The following PRR11 variants were observed in gnomAD, a reference collection of about 807,000 sequenced individuals.
PRR11 encodes the protein proline-rich protein 11.
PRR11 carries 30 observed loss-of-function variants against 45.6 expected under a neutral mutation model. The ratio of observed to expected loss-of-function variants is 0.66; its 90% CI spans 0.49 to 0.89. The LOEUF is 0.89. PRR11 is among the 40% of genes least tolerant of loss of function. The pLI is 0.00. For synonymous variants in PRR11, 128 were observed against 153.5 expected (o/e 0.83, Z 1.23); for missense variants, 373 against 424.8 (o/e 0.88, Z 1.07).
chr17:59,206,546 TG>T lies in PRR11; in HGVS notation c.*4916del, dbSNP rs2046919034. On this transcript the variant is annotated 3_prime_UTR_variant, in exon 10 of 10. Coordinates refer to ENST00000262293, the MANE Select transcript of PRR11 (RefSeq NM_018304.4). ...TGACAGATTTTATATTGTAACCATT[TG>T]AGAACTCTGTAAGTGCTATGGCTTC... 1.3e-5 allele frequency among the ~76,000 whole-genome samples: 2 copies of T among 151,662 alleles called. No individual in the cohort carries two copies. The highest frequency in any genetic ancestry group is 4.8e-5 in the African/African-American group (2 of 41,378).
At chr17:59,179,689 G>C in intron 2 of PRR11, 4 of 1,449,890 alleles carry the variant, frequency 2.8e-6, no homozygotes, top group Admixed American at 3.4e-5. Flanking sequence ...CAGGGAGCAC[G>C]GGTGACACTC....
chr17:59,200,325 TG>T (rs2147857657), intron 9 of PRR11, among the ~76,000 whole-genome samples: 1 of 152,296 alleles, frequency 6.6e-6, no homozygotes, highest in Non-Finnish European at 1.5e-5. Context: ...CAGAGTGTAG[TG>T]GCTCATACCT....
At chr17:59,182,423 A>C (rs1599701548) in intron 2 of PRR11, among the ~76,000 whole-genome samples, 6 of 116,438 alleles carry the variant, frequency 5.2e-5, no homozygotes, top group East Asian at 2.5e-4. Context: ...ACAGTGTCTC[A>C]CTCTCTCACC....
intron 4 of PRR11, among the ~76,000 whole-genome samples, chr17:59,189,609 T>C (rs2046831745): frequency 6.6e-6 from 1 of 152,068 alleles, no homozygotes; most frequent in African/African-American, 2.4e-5. Flanking sequence ...GCTGGGATTC[T>C]AGACATGAGC....
intron 5 of PRR11, 139 bp from the exon 6 acceptor site, chr17:59,194,618 A>C (rs1309081029): frequency 1.9e-6 from 1 of 529,306 alleles, no homozygotes; most frequent in African/African-American, 2.0e-5. Context: ...TTCTTGGTTG[A>C]GTAGAAAGAA....
chr17:59,169,687 G>A, intron 1 of PRR11, 61 bp from the exon 2 acceptor site: 2 of 1,374,616 alleles, frequency 1.5e-6, no homozygotes, highest in South Asian at 1.4e-5. Flanking sequence ...CTTAAGATTT[G>A]TGTACTTTCT....
chr17:59,188,376 A>T (rs958959320), intron 4 of PRR11, among the ~76,000 whole-genome samples: 22 of 152,236 alleles, frequency 1.4e-4, no homozygotes, highest in Non-Finnish European at 2.9e-4. Context: ...ATTAACATCT[A>T]TCAAAATTTT....
chr17:59,182,760 G>C (rs1456190031), intron 2 of PRR11, among the ~76,000 whole-genome samples: 1 of 151,962 alleles, frequency 6.6e-6, no homozygotes, highest in Admixed American at 6.6e-5. Flanking sequence ...TGATGGTCCC[G>C]ACACTTCATC....
intron 4 of PRR11, among the ~76,000 whole-genome samples, chr17:59,189,358 A>AAGT (rs1192737642): frequency 6.6e-6 from 1 of 152,072 alleles, no homozygotes; most frequent in African/African-American, 2.4e-5. Context: ...GTTTGAGACA[A>AAGT]AGTACCGCTC....
chr17:59,180,519 G>GTTTTTTTTGTTTTTTTTT (rs1555716465), intron 2 of PRR11, among the ~76,000 whole-genome samples: 9 of 122,918 alleles, frequency 7.3e-5, no homozygotes, highest in East Asian at 6.6e-4. Flanking sequence ...TGTTTTTTTT[G>GTTTTTTTTGTTTTTTTTT]TTTTTTTTGC....
intron 2 of PRR11, among the ~76,000 whole-genome samples, chr17:59,181,135 G>A (rs1159788194): frequency 4.6e-5 from 7 of 151,446 alleles, no homozygotes; most frequent in African/African-American, 9.8e-5. Flanking sequence ...GACTACAGGC[G>A]CCCACCACCA....
chr17:59,202,610 T>C lies in PRR11; in HGVS notation c.*979T>C, dbSNP rs2046898312. The C allele has an allele frequency of 6.6e-6, 1 of 152,170 alleles. No homozygotes were observed. Among genetic ancestry groups the C allele is most frequent in the South Asian group, 2.1e-4 (1 of 4,834 alleles). The allele number at this position is 152,170 out of a possible 1,614,324, so 9.4% of individuals were successfully genotyped here. ...AATTAGAATATCATTTCTAGCATCT[T>C]AGGTAGGTACTTATATCTGGCTTAC... On this transcript the variant is annotated 3_prime_UTR_variant, in exon 10 of 10. Transcript: ENST00000262293.
intron 2 of PRR11, chr17:59,178,645 A>G: frequency 1.9e-6 from 1 of 513,682 alleles, no homozygotes; most frequent in Admixed American, 2.0e-5. Flanking sequence ...TTGCTGCCAC[A>G]GGTGAGGTGG....
intron 4 of PRR11, among the ~76,000 whole-genome samples, chr17:59,190,627 G>T (rs944310294): frequency 6.6e-6 from 1 of 152,254 alleles, no homozygotes; most frequent in Non-Finnish European, 1.5e-5. Context: ...CATAAAACCA[G>T]TAAGTCTAGG....
intron 2 of PRR11, among the ~76,000 whole-genome samples, chr17:59,180,981 C>CT (rs913996666): frequency 7.3e-5 from 11 of 151,332 alleles, no homozygotes; most frequent in Admixed American, 2.6e-4. Flanking sequence ...ACCAAACTTT[C>CT]TTTTTTTGTT....
At chr17:59,196,580 T>G (rs940948048) in intron 7 of PRR11, among the ~76,000 whole-genome samples, 3 of 152,084 alleles carry the variant, frequency 2.0e-5, no homozygotes, top group African/African-American at 7.2e-5. Context: ...TTTCACTATG[T>G]TGGCCAGGGT....
intron 1 of PRR11, among the ~76,000 whole-genome samples, chr17:59,161,278 G>A (rs1443186405): frequency 4.6e-5 from 7 of 151,952 alleles, no homozygotes; most frequent in African/African-American, 1.4e-4. Flanking sequence ...GTGGTAGTGT[G>A]TGCCTGTAGT....
chr17:59,169,093 CTTTTTTT>C (rs780548478), intron 1 of PRR11, among the ~76,000 whole-genome samples: 2 of 106,726 alleles, frequency 1.9e-5, no homozygotes, highest in Admixed American at 9.7e-5. Flanking sequence ...GAAACATATT[CTTTTTTT>C]TTTTTTTTTT....
intron 2 of PRR11, among the ~76,000 whole-genome samples, chr17:59,174,267 C>T (rs998213430): frequency 5.9e-5 from 9 of 152,168 alleles, no homozygotes; most frequent in African/African-American, 1.4e-4. Context: ...GAGCTAAACT[C>T]GTAACCATGC....
Sources: allele counts gnomAD v4.1 joint callset (sites outside exome capture counted in the v4.1 genomes callset), GRCh38; gene constraint gnomAD v4.1.1; transcripts MANE v1.5; gene names NCBI Gene and HGNC (gene_info 2026-07-23, HGNC 2026-07-21).